FAM184B: variants seen among roughly 807,000 people sequenced by gnomAD.
FAM184B encodes protein FAM184B.
In FAM184B, 111 loss-of-function variants were observed where a neutral mutation model predicts 135.9. That is an observed-to-expected ratio of 0.82 (90% confidence interval 0.70 to 0.96). The LOEUF (loss-of-function observed/expected upper bound fraction) is 0.96. FAM184B is among the 40% of genes least tolerant of loss of function. The pLI is 0.00. For synonymous variants in FAM184B, 552 were observed against 524.8 expected, an observed-to-expected ratio of 1.05 and a Z score of -0.71; for missense variants, 1,375 against 1,323.9, an observed-to-expected ratio of 1.04 and a Z score of -0.60.
At chr4:17,768,169 C>T (rs1470916543) in intron 1 of FAM184B, among the ~76,000 whole-genome samples, 3 of 152,128 alleles carry the variant, frequency 2.0e-5, no homozygotes, top group African/African-American at 7.2e-5. Flanking sequence ...CAAATTATTT[C>T]TTCAAAGACA....
intron 13 of FAM184B, among the ~76,000 whole-genome samples, chr4:17,641,461 C>CTTTTTTTTTTTTTT (rs71167316): frequency 1.8e-4 from 8 of 45,644 alleles, no homozygotes; most frequent in African/African-American, 5.1e-4. Flanking sequence ...AGGACTCCCT[C>CTTTTTTTTTTTTTT]TTTTTTTTTT....
Position 17,632,290 on chromosome 4 carries a change from G to C in FAM184B, c.*242C>G, listed in dbSNP as rs1224489439. The stretch of plus-strand genomic sequence containing the variant: ...GGGTTTCACCATATTGGCCAGGCTG[G>C]TCTCAAATTCCTGGACTCAAGCAGT... On this transcript the variant is annotated 3_prime_UTR_variant, in exon 18 of 18. Transcript: ENST00000265018. 6.6e-6 allele frequency: 2 copies of C among 304,270 alleles called. No individual in the cohort carries two copies. Among genetic ancestry groups the C allele is most frequent in the African/African-American group, 4.3e-5 (2 of 46,754 alleles). 18.8% of individuals were successfully genotyped at this position (304,270 alleles called of 1,614,324 possible).
At chr4:17,731,866 A>G (rs1717784471) in intron 1 of FAM184B, among the ~76,000 whole-genome samples, 1 of 152,168 alleles carries the variant, frequency 6.6e-6, no homozygotes, top group Admixed American at 6.5e-5. Flanking sequence ...CTCCACCCCA[A>G]ATCAACAGAA....
At chr4:17,721,383 C>CAAAAAAAAAAAA (rs61539641) in intron 1 of FAM184B, among the ~76,000 whole-genome samples, 1,039 of 47,344 alleles carry the variant, frequency 0.022, 203 homozygotes, top group African/African-American at 0.062. Flanking sequence ...GATTCTGTCT[C>CAAAAAAAAAAAA]AAAAAAAAAA....
chr4:17,656,644 T>A (rs1715783716), intron 10 of FAM184B, among the ~76,000 whole-genome samples: 1 of 152,190 alleles, frequency 6.6e-6, no homozygotes, highest in Non-Finnish European at 1.5e-5. Flanking sequence ...TCAAGTGGTC[T>A]GTTCATCTTG....
At chr4:17,766,120 A>C (rs1718679669) in intron 1 of FAM184B, among the ~76,000 whole-genome samples, 1 of 152,176 alleles carries the variant, frequency 6.6e-6, no homozygotes, top group Non-Finnish European at 1.5e-5. Context: ...TGGGAAGGTA[A>C]CCTAACCAGG....
chr4:17,721,383 C>CAGAAAAAAAAAAAA (rs1717523318), intron 1 of FAM184B, among the ~76,000 whole-genome samples: 1 of 47,384 alleles, frequency 2.1e-5, no homozygotes, highest in Non-Finnish European at 4.0e-5. Context: ...GATTCTGTCT[C>CAGAAAAAAAAAAAA]AAAAAAAAAA....
At chr4:17,663,251 T>A (rs984012596) in intron 8 of FAM184B, among the ~76,000 whole-genome samples, 1 of 152,190 alleles carries the variant, frequency 6.6e-6, no homozygotes, top group Non-Finnish European at 1.5e-5. Context: ...ATATATCTTT[T>A]TTAGGGAAGT....
intron 1 of FAM184B, among the ~76,000 whole-genome samples, chr4:17,775,219 T>C (rs190657046): frequency 6.6e-6 from 1 of 151,950 alleles, no homozygotes; most frequent in South Asian, 2.1e-4. Context: ...GGAGTCTTGC[T>C]CTGTTGCCCA....
intron 8 of FAM184B, 35 bp downstream of exon 8, chr4:17,664,527 A>G (rs751409161): frequency 6.8e-5 from 99 of 1,460,640 alleles, no homozygotes; most frequent in East Asian, 9.9e-5. Context: ...TCCTCATTCA[A>G]TGGAGCACTC....
chr4:17,665,513 A>G (rs1454697766), intron 7 of FAM184B, among the ~76,000 whole-genome samples: 1 of 152,204 alleles, frequency 6.6e-6, no homozygotes, highest in African/African-American at 2.4e-5. Context: ...AACTAGTTGT[A>G]TGGCCTTGAG....
intron 16 of FAM184B, 68 bp from the exon 17 acceptor site, chr4:17,633,956 G>A: frequency 8.3e-7 from 1 of 1,210,168 alleles, no homozygotes; most frequent in Non-Finnish European, 1.1e-6. Context: ...TATTGTAAAA[G>A]CAAATAATGC....
In FAM184B at chr4:17,669,175, G is replaced by A. The variant is rs984961604; in HGVS notation, c.1597-4516C>T. ...CCCAGTGAGGTTGGTTCATTGTTGT[G>A]TATTTTCAAACATGTTGTGACTAAG... On this transcript the variant is annotated intron_variant, in intron 7 of 17. Coordinates refer to ENST00000265018, the MANE Select transcript of FAM184B (RefSeq NM_015688.2). 2.0e-5 allele frequency among the ~76,000 whole-genome samples: 3 copies of A among 152,118 alleles called. No homozygotes were observed. In the East Asian group the frequency reaches 5.8e-4, roughly 29 times the overall value.
At chr4:17,725,731 T>C (rs1205938531) in intron 1 of FAM184B, among the ~76,000 whole-genome samples, 3 of 152,160 alleles carry the variant, frequency 2.0e-5, no homozygotes, top group Non-Finnish European at 4.4e-5. Context: ...AGGCAGAAAG[T>C]GGCATTTAGT....
chr4:17,663,643 C>A (rs984068552), intron 8 of FAM184B, among the ~76,000 whole-genome samples: 10 of 142,146 alleles, frequency 7.0e-5, no homozygotes, highest in African/African-American at 2.1e-4. Context: ...CACACACACA[C>A]AAACTGTAGT....
rs1007810723 is a variant in FAM184B at position 17,635,104 on chromosome 4, TTC to T, written c.2792_2793del (p.Arg931LysfsTer66). 7 of 1,551,176 alleles carry T rather than the reference TTC, an allele frequency of 4.5e-6. No individual in the cohort carries two copies. The African/African-American group carries it at 8.2e-5, about 18-fold the overall frequency. On this transcript the variant is annotated frameshift_variant, in exon 16 of 18. Transcript: ENST00000265018. LOFTEE classifies it high-confidence loss of function. ...CTGGGGAATGCTGCGTAGTGAAATCTTCTCTCTTCCTAGAAAACCAATACAAC... is the reference window on the plus strand; with the variant it reads ...CTGGGGAATGCTGCGTAGTGAAATCTTCTCTTCCTAGAAAACCAATACAAC... ...EDIIKQLTEE[R>X]RFHYAAFPSA... is the part of the protein sequence containing the mutation.
At chr4:17,751,334 A>T (rs1718287558) in intron 1 of FAM184B, among the ~76,000 whole-genome samples, 1 of 150,552 alleles carries the variant, frequency 6.6e-6, no homozygotes, top group African/African-American at 2.4e-5. Flanking sequence ...AAAAAGCAGC[A>T]CATAGGAAAA....
chr4:17,678,690 A>G (rs1372918142), intron 7 of FAM184B, among the ~76,000 whole-genome samples: 1 of 152,144 alleles, frequency 6.6e-6, no homozygotes, highest in Non-Finnish European at 1.5e-5. Flanking sequence ...CCTAAAATTC[A>G]TATGGTAAAA....
chr4:17,762,418 ATCTGCCCT>A (rs1159902891), intron 1 of FAM184B, among the ~76,000 whole-genome samples: 2 of 152,180 alleles, frequency 1.3e-5, no homozygotes, highest in Admixed American at 1.3e-4. Context: ...GGCTAAGGGG[ATCTGCCCT>A]AGCTTCAGAT....
Sources: allele counts gnomAD v4.1 joint callset (sites outside exome capture counted in the v4.1 genomes callset), GRCh38; gene constraint gnomAD v4.1.1; transcripts MANE v1.5; gene names NCBI Gene and HGNC (gene_info 2026-07-23, HGNC 2026-07-21).